Variants in TMEM63A observed in about 807,000 individuals in gnomAD.
TMEM63A encodes the protein mechanosensitive cation channel TMEM63A.
In TMEM63A, 76 loss-of-function variants were observed where a neutral mutation model predicts 100.6. The ratio of observed to expected loss-of-function variants is 0.76; its 90% CI spans 0.63 to 0.91. The LOEUF is 0.91. TMEM63A is among the 40% of genes least tolerant of loss of function. The pLI, the probability that TMEM63A is intolerant of heterozygous loss-of-function variation, is 0.00. For synonymous variants in TMEM63A, 401 were observed against 401.1 expected, an observed-to-expected ratio of 1.00 and a Z score of 0.00; for missense variants, 876 against 1,008.8, an observed-to-expected ratio of 0.87 and a Z score of 1.78.
At chr1:225,860,199 C>T (rs1387526911) in intron 14 of TMEM63A, 4 of 152,686 alleles carry the variant, frequency 2.6e-5, no homozygotes, top group Non-Finnish European at 5.8e-5. Flanking sequence ...GCACTTCAAG[C>T]TCATTCTGTG....
In TMEM63A at chr1:225,870,937, C is replaced by G. The variant is rs3817267; in HGVS notation, c.371+139G>C. On this transcript the variant is annotated intron_variant, in intron 6 of 24. Transcript: ENST00000366835. Reference sequence around the variant, plus strand: ...CACCTTGATTCTCAGCCCTCACATACTGCTTTGGACATTAACTAAAAAGTA... The same window carrying G: ...CACCTTGATTCTCAGCCCTCACATAGTGCTTTGGACATTAACTAAAAAGTA... The G allele has an allele frequency of 1.7e-5, 14 of 846,916 alleles. No individual in the cohort carries two copies. In the East Asian group the frequency reaches 3.8e-4, roughly 23 times the overall value. 52.5% of individuals were successfully genotyped at this position (846,916 alleles called of 1,614,324 possible).
chr1:225,877,945 C>T (rs866977617), intron 2 of TMEM63A, among the ~76,000 whole-genome samples: 25 of 152,248 alleles, frequency 1.6e-4, no homozygotes, highest in Middle Eastern at 3.4e-3. Context: ...CTCGAGGACT[C>T]GTGTTGGGAA....
chr1:225,859,715 G>A (rs1353392062), intron 14 of TMEM63A: 10 of 212,184 alleles, frequency 4.7e-5, no homozygotes, highest in South Asian at 3.2e-4. Flanking sequence ...GTGTGATCTC[G>A]GCTCACTGCA....
At chr1:225,878,887 C>CCT (rs1460944564) in intron 2 of TMEM63A, among the ~76,000 whole-genome samples, 3 of 30,118 alleles carry the variant, frequency 1.0e-4, no homozygotes, top group South Asian at 1.4e-3. Context: ...TACCTACCTA[C>CCT]ACACACACAC....
chr1:225,870,284 G>A (rs168619), intron 6 of TMEM63A, among the ~76,000 whole-genome samples: 79,961 of 151,250 alleles, frequency 0.53, 22,973 homozygotes, highest in Middle Eastern at 0.65. Flanking sequence ...CCCGGGAGGC[G>A]GAGGCTGCGG....
intron 3 of TMEM63A, among the ~76,000 whole-genome samples, chr1:225,876,718 G>A (rs1012153535): frequency 3.3e-5 from 5 of 151,456 alleles, no homozygotes; most frequent in African/African-American, 7.3e-5. Flanking sequence ...GCGTGATCTC[G>A]GCTCATTGCA....
intron 15 of TMEM63A, 54 bp from the exon 16 acceptor site, chr1:225,857,071 T>C: frequency 6.9e-7 from 1 of 1,442,084 alleles, no homozygotes; most frequent in Non-Finnish European, 9.3e-7. Flanking sequence ...GCCACGCGGC[T>C]CTGAGGCCAT....
chr1:225,871,247 G>A, intron 5 of TMEM63A, 134 bp from the exon 6 acceptor site: 1 of 843,460 alleles, frequency 1.2e-6, no homozygotes. Context: ...CCCATATTCA[G>A]CAAGCATGAG....
At chr1:225,866,313 G>A (rs1670206276) in intron 9 of TMEM63A, 7 of 521,526 alleles carry the variant, frequency 1.3e-5, no homozygotes. Flanking sequence ...TGAAGCTGTG[G>A]GCGGCAAAGA....
Position 225,856,681 on chromosome 1 carries a change from C to T in TMEM63A, c.1542G>A (p.Val514=). 6.2e-7 allele frequency: 1 copy of T among 1,613,796 alleles called. No homozygotes were observed. Among genetic ancestry groups the T allele is most frequent in the Non-Finnish European group, 8.5e-7 (1 of 1,179,926 alleles). ...TGAGACCCAGGGAGGGCAGGATCAGCACCATGAAGATCAAGAATATGTAGA... is the reference window on the plus strand; with the variant it reads ...TGAGACCCAGGGAGGGCAGGATCAGTACCATGAAGATCAAGAATATGTAGA... ...TKVYIFLIFM[V]LILPSLGLTS... The change falls in exon 17 of 25, where the codon GTG becomes GTA. Residue 514 remains valine (V), a synonymous_variant. Coordinates refer to ENST00000366835, the MANE Select transcript of TMEM63A (RefSeq NM_014698.3).
Position 225,867,628 on chromosome 1 carries a change from G to C in TMEM63A, c.514+260C>G, listed in dbSNP as rs1420420098. Among the ~76,000 whole-genome samples the C allele has an allele frequency of 4.6e-5, 7 of 152,132 alleles. No homozygotes were observed. Among genetic ancestry groups the C allele is most frequent in the Non-Finnish European group, 7.4e-5 (5 of 68,022 alleles). On this transcript the variant is annotated intron_variant, in intron 7 of 24. Coordinates refer to ENST00000366835, the MANE Select transcript of TMEM63A (RefSeq NM_014698.3). The surrounding 1 kb of genome is among the most constrained non-coding windows in gnomAD (Gnocchi z 4.6). ...GGCAGGAAAGTATAAAAGACTCTCT[G>C]ATAGCCCCTGATTCTGTAAATCTTG... is the stretch of plus-strand genomic sequence containing the variant.
Position 225,853,480 on chromosome 1 carries a change from G to C in TMEM63A, c.1797+149C>G. On this transcript the variant is annotated intron_variant, in intron 19 of 24. Coordinates refer to ENST00000366835, the MANE Select transcript of TMEM63A (RefSeq NM_014698.3). This position sits in a 1 kb window ranked among gnomAD's most constrained non-coding sequence, Gnocchi z 4.0. ...GCCACGCCTGCCTGGACCCGGGTTTGAGAAGCACTTAGCCCAGTGCCTGCA... is the reference window on the plus strand; with the variant it reads ...GCCACGCCTGCCTGGACCCGGGTTTCAGAAGCACTTAGCCCAGTGCCTGCA... 1.2e-6 allele frequency: 1 copy of C among 801,116 alleles called. No homozygotes were observed. Among genetic ancestry groups the C allele is most frequent in the Admixed American group, 3.6e-5 (1 of 27,818 alleles). The allele number at this position is 801,116 out of a possible 1,614,324, so 49.6% of individuals were successfully genotyped here. A position where few individuals can be genotyped will look rare whatever the true frequency, so the allele number is the denominator to read the frequency against.
chr1:225,852,703 C>A lies in TMEM63A; in HGVS notation c.1864G>T (p.Val622Leu), dbSNP rs1009668. Residue 622 changes from valine (V) to leucine (L), a missense_variant, in exon 20 of 25, where the codon GTG becomes TTG. Coordinates refer to ENST00000366835, the MANE Select transcript of TMEM63A (RefSeq NM_014698.3). Reference protein sequence around the residue: ...AWMLCVFTVIVAYSITCPIIA... With the variant: ...AWMLCVFTVILAYSITCPIIA... ...ATGGGACAAGTGATGCTGTAGGCCACGATGACAGTGAAGACACACAGCATC... is the reference window on the plus strand; with the variant it reads ...ATGGGACAAGTGATGCTGTAGGCCAAGATGACAGTGAAGACACACAGCATC... 6.2e-7 allele frequency: 1 copy of A among 1,613,536 alleles called. No individual in the cohort carries two copies. Among genetic ancestry groups the A allele is most frequent in the South Asian group, 1.1e-5 (1 of 91,040 alleles).
At chr1:225,878,626 A>C (rs1220204598) in intron 2 of TMEM63A, among the ~76,000 whole-genome samples, 1 of 152,178 alleles carries the variant, frequency 6.6e-6, no homozygotes, top group Admixed American at 6.6e-5. Context: ...GCCAGAACAC[A>C]TATTCAGCCT....
chr1:225,862,013 C>T lies in TMEM63A; in HGVS notation c.1085+205G>A. The T allele has an allele frequency of 2.6e-6, 2 of 778,526 alleles. No homozygotes were observed. The highest frequency in any genetic ancestry group is 4.0e-6 in the Non-Finnish European group (2 of 500,216). The allele number at this position is 778,526 out of a possible 1,614,324, so 48.2% of individuals were successfully genotyped here. ...AGAATCACCCACTCCGTGGCTGCTGCCCACACCCCCACCGCCTGTTACACA... is the reference window on the plus strand; with the variant it reads ...AGAATCACCCACTCCGTGGCTGCTGTCCACACCCCCACCGCCTGTTACACA... On this transcript the variant is annotated intron_variant, in intron 13 of 24. Transcript: ENST00000366835. The surrounding 1 kb of genome is among the most constrained non-coding windows in gnomAD (Gnocchi z 5.1).
Position 225,850,508 on chromosome 1 carries a change from A to G in TMEM63A, c.1904-429T>C, listed in dbSNP as rs558214602. Among the ~76,000 whole-genome samples the G allele has an allele frequency of 2.6e-5, 4 of 152,232 alleles. No homozygotes were observed. The East Asian group carries it at 7.7e-4, about 29-fold the overall frequency. ...GTTTACTCATGTGGTCCTAAGACCA[A>G]CCTTTGATCATCCACTGGTGCATGA... On this transcript the variant is annotated intron_variant, in intron 20 of 24. Transcript: ENST00000366835.
downstream of TMEM63A, chr1:225,842,378 A>G (rs568476858): frequency 7.4e-6 from 12 of 1,613,002 alleles, no homozygotes; most frequent in East Asian, 2.5e-4. Context: ...TCTGCTCTGA[A>G]TGACTCTCCT....
downstream of TMEM63A, chr1:225,844,680 C>T: frequency 1.2e-6 from 2 of 1,607,342 alleles, no homozygotes; most frequent in Non-Finnish European, 1.7e-6. Flanking sequence ...GGGGGACGGC[C>T]AGTCTTGGGC....
chr1:225,842,092 T>C (rs1369476559), downstream of TMEM63A, among the ~76,000 whole-genome samples: 3 of 152,256 alleles, frequency 2.0e-5, no homozygotes, highest in East Asian at 5.8e-4. Flanking sequence ...TGCAGAGGCG[T>C]AGGCCCTTCA....
Sources: gnomAD v4.1 joint callset for allele counts (sites outside exome capture counted in the v4.1 genomes callset) on GRCh38, gnomAD v4.1.1 for gene constraint, Gnocchi (gnomAD v3.1) non-coding constraint, MANE v1.5 for transcripts, NCBI Gene and HGNC (gene_info 2026-07-23, HGNC 2026-07-21) for gene names.